The following C11orf65 variants were observed in gnomAD, a reference collection of about 807,000 sequenced individuals.
C11orf65 encodes chromosome 11 open reading frame 65, also known as protein MFI.
A neutral mutation model predicts 35.3 loss-of-function variants in C11orf65; 38 were observed. The observed-to-expected ratio is 1.08, with a 90% CI of 0.83 to 1.41. The LOEUF (loss-of-function observed/expected upper bound fraction) is 1.41, where lower values mean the gene tolerates loss of function less well. Ranked by LOEUF, C11orf65 falls within the 40% of genes most tolerant of loss-of-function variation. The probability of loss-of-function intolerance (pLI) is 0.00; values close to 1 mark genes in which losing one functional copy is unlikely to be tolerated. For missense variants in C11orf65, 370 were observed against 367.1 expected, an observed-to-expected ratio of 1.01 and a Z score of -0.06; for synonymous variants, 105 against 114.4, an observed-to-expected ratio of 0.92 and a Z score of 0.53.
chr11:108,450,447 A>G (rs1403527013), intron 2 of C11orf65, among the ~76,000 whole-genome samples: 1 of 151,800 alleles, frequency 6.6e-6, no homozygotes, highest in Non-Finnish European at 1.5e-5. Flanking sequence ...TGCAGCCATA[A>G]AAAATGATGA....
At position 108,322,127 on chromosome 11, in the gene C11orf65, C is replaced by T. The variant is rs577324958; in HGVS notation, c.641-13056G>A. Reference sequence around the variant, plus strand: ...CATTCTATTGTTTATTGTTGTATACCTAGTGTTTTTGTTTTGTTTTCTTTT... The same window carrying T: ...CATTCTATTGTTTATTGTTGTATACTTAGTGTTTTTGTTTTGTTTTCTTTT... On this transcript the variant is annotated intron_variant, in intron 6 of 6. Coordinates refer to the C11orf65 transcript ENST00000525729. 3.3e-5 allele frequency among the ~76,000 whole-genome samples: 5 copies of T among 151,740 alleles called. No individual in the cohort carries two copies. In the South Asian group the frequency reaches 6.3e-4, roughly 19 times the overall value.
intron 6 of C11orf65, 105 bp from the exon 7 acceptor site, chr11:108,393,483 A>G: frequency 9.3e-7 from 1 of 1,074,312 alleles, no homozygotes; most frequent in Non-Finnish European, 1.3e-6. Context: ...AACTATTTGC[A>G]TATTGAATAA....
At chr11:108,405,849 A>G (rs1296985413) in intron 5 of C11orf65, among the ~76,000 whole-genome samples, 1 of 152,222 alleles carries the variant, frequency 6.6e-6, no homozygotes, top group African/African-American at 2.4e-5. Flanking sequence ...ATCTTCTCAC[A>G]TGAATAGACC....
intron 2 of C11orf65, among the ~76,000 whole-genome samples, chr11:108,338,404 C>T (rs2087094614): frequency 6.6e-6 from 1 of 152,132 alleles, no homozygotes; most frequent in African/African-American, 2.4e-5. Context: ...CCTGTAATCT[C>T]AGCACTTTGA....
intron 2 of C11orf65, among the ~76,000 whole-genome samples, chr11:108,348,421 T>A (rs531951187): frequency 4.7e-5 from 7 of 147,396 alleles, no homozygotes; most frequent in Non-Finnish European, 9.0e-5. Flanking sequence ...ATATAGACAG[T>A]TTAATATATA....
intron 3 of C11orf65, among the ~76,000 whole-genome samples, chr11:108,412,367 T>C (rs2092673025): frequency 6.6e-6 from 1 of 151,640 alleles, no homozygotes; most frequent in African/African-American, 2.4e-5. Context: ...AAATATCGAT[T>C]GAACTATATC....
At chr11:108,442,863 G>C (rs548549583) in intron 2 of C11orf65, among the ~76,000 whole-genome samples, 1 of 152,194 alleles carries the variant, frequency 6.6e-6, no homozygotes, top group South Asian at 2.1e-4. Flanking sequence ...ACCAGCCACT[G>C]CAAAAACATT....
At chr11:108,400,045 T>C (rs775910763) in intron 6 of C11orf65, among the ~76,000 whole-genome samples, 1 of 152,200 alleles carries the variant, frequency 6.6e-6, no homozygotes. Flanking sequence ...GCCCAAGTTG[T>C]AAGGCAGCTT....
At chr11:108,376,567 G>C (rs545502177) in intron 2 of C11orf65, among the ~76,000 whole-genome samples, 199 of 150,796 alleles carry the variant, frequency 1.3e-3, no homozygotes, top group African/African-American at 3.8e-3. Flanking sequence ...ACAATTAAAA[G>C]AACTAGAAAA....
intron 7 of C11orf65, among the ~76,000 whole-genome samples, chr11:108,389,011 C>G (rs899667565): frequency 1.3e-5 from 2 of 152,190 alleles, no homozygotes; most frequent in African/African-American, 4.8e-5. Flanking sequence ...TCTGTCATAA[C>G]GGACTAGAAC....
intron 2 of C11orf65, among the ~76,000 whole-genome samples, chr11:108,456,979 T>G (rs1339655241): frequency 6.6e-6 from 1 of 152,164 alleles, no homozygotes; most frequent in Non-Finnish European, 1.5e-5. Flanking sequence ...CAGAGAATAC[T>G]TATAACGTAA....
intron 3 of C11orf65, among the ~76,000 whole-genome samples, chr11:108,420,696 ATTGTC>A: frequency 6.6e-6 from 1 of 152,302 alleles, no homozygotes; most frequent in East Asian, 1.9e-4. Context: ...AGCTCTCAGT[ATTGTC>A]ATGATACCAG....
At chr11:108,427,324 AC>A (rs1204759298) in intron 3 of C11orf65, among the ~76,000 whole-genome samples, 2 of 151,284 alleles carry the variant, frequency 1.3e-5, no homozygotes, top group African/African-American at 2.4e-5. Context: ...TCTATAAGGA[AC>A]TTAAACAAAT....
At chr11:108,447,686 A>C (rs1169343270) in intron 2 of C11orf65, among the ~76,000 whole-genome samples, 1 of 152,178 alleles carries the variant, frequency 6.6e-6, no homozygotes, top group African/African-American at 2.4e-5. Context: ...AAAGCAGGAA[A>C]GATCCAAAAT....
chr11:108,469,623 A>G (rs1446814789), upstream of C11orf65, among the ~76,000 whole-genome samples: 3 of 152,054 alleles, frequency 2.0e-5, no homozygotes, highest in Non-Finnish European at 4.4e-5. Context: ...ACTGTTGAGT[A>G]CTTATGTTAC....
chr11:108,442,247 G>C (rs2093166350), intron 2 of C11orf65, among the ~76,000 whole-genome samples: 3 of 152,122 alleles, frequency 2.0e-5, no homozygotes, highest in Admixed American at 1.3e-4. Context: ...TCAAAAGAAT[G>C]AAAGGAAGCC....
chr11:108,325,341 T>G lies in C11orf65; in HGVS notation c.641-16270A>C, dbSNP rs730881311. On this transcript the variant is annotated intron_variant, in intron 6 of 6. Transcript: ENST00000525729. ...CACACATAGACAACTCTCTGAAGTA[T>G]ATATTAAGTGGCAGAAACACTCCCA... 5.3e-5 allele frequency: 86 copies of G among 1,610,648 alleles called. No individual in the cohort carries two copies. The highest frequency in any genetic ancestry group is 7.1e-5 in the Non-Finnish European group (84 of 1,178,662).
intron 2 of C11orf65, chr11:108,346,039 C>T (rs553937078): frequency 1.0e-5 from 10 of 953,746 alleles, no homozygotes; most frequent in African/African-American, 4.9e-5. Context: ...AGTAACCAAC[C>T]CATCTTCATT....
intron 8 of C11orf65, among the ~76,000 whole-genome samples, chr11:108,385,204 T>G (rs1022409766): frequency 6.6e-6 from 1 of 152,212 alleles, no homozygotes; most frequent in East Asian, 1.9e-4. Context: ...TCCGAGTATC[T>G]GAGATTACAG....
Sources: gnomAD v4.1 joint callset for allele counts (sites outside exome capture counted in the v4.1 genomes callset) on GRCh38, gnomAD v4.1.1 for gene constraint, MANE v1.5 for transcripts, NCBI Gene and HGNC (gene_info 2026-07-23, HGNC 2026-07-21) for gene names.